FAM114A1: variants seen among roughly 807,000 people sequenced by gnomAD.
FAM114A1 encodes the protein protein NOXP20.
In FAM114A1, 62 loss-of-function variants were observed where a neutral mutation model predicts 64.3. The observed-to-expected ratio is 0.96, with a 90% CI of 0.79 to 1.19. The LOEUF is 1.19. FAM114A1 is among the 50% of genes most tolerant of loss of function. The probability of loss-of-function intolerance (pLI) is 0.00; values close to 1 mark genes in which losing one functional copy is unlikely to be tolerated. For missense variants in FAM114A1, 645 were observed against 676.3 expected (o/e 0.95, Z 0.51); for synonymous variants, 254 against 251.1 (o/e 1.01, Z -0.11).
In FAM114A1 at chr4:38,886,093, C is replaced by T. The variant is rs750423641; in HGVS notation, c.349-5650C>T. Reference sequence around the variant, plus strand: ...GGAAGCCACTTGACCTTGATGAGAACGATTTCATGAAGTAGTGGCACAGGA... The same window carrying T: ...GGAAGCCACTTGACCTTGATGAGAATGATTTCATGAAGTAGTGGCACAGGA... On this transcript the variant is annotated intron_variant, in intron 3 of 14. Transcript: ENST00000358869. Among the ~76,000 whole-genome samples, 6 of 151,366 alleles carry T rather than the reference C, an allele frequency of 4.0e-5. No homozygotes were observed. The East Asian group carries it at 5.8e-4, about 15-fold the overall frequency.
intron 13 of FAM114A1, among the ~76,000 whole-genome samples, chr4:38,939,425 A>G (rs985453712): frequency 6.6e-6 from 1 of 152,210 alleles, no homozygotes; most frequent in Non-Finnish European, 1.5e-5. Context: ...CTCTATTTAA[A>G]TTGCTTGCAT....
In FAM114A1 at chr4:38,929,319, GACAAACTC is replaced by G. The variant is rs759153786; in HGVS notation, c.1149_1156del (p.Asp383GlufsTer2). 127 of 1,613,006 alleles carry G rather than the reference GACAAACTC, an allele frequency of 7.9e-5. No homozygotes were observed. Among genetic ancestry groups the G allele is most frequent in the Admixed American group, 5.3e-4 (32 of 59,978 alleles). ...TGAATTACATGTGGCGGCCACACCT[GACAAACTC>G]AATAAGGTCAGCACTGTCTGATTTA... On this transcript the variant is annotated frameshift_variant, in exon 10 of 15. Transcript: ENST00000358869. LOFTEE classifies it high-confidence loss of function.
chr4:38,913,786 G>A (rs540673811), intron 7 of FAM114A1, among the ~76,000 whole-genome samples: 6 of 151,986 alleles, frequency 3.9e-5, no homozygotes, highest in African/African-American at 1.4e-4. Context: ...TAATAACCAC[G>A]TACACAAAAT....
chr4:38,885,010 C>G (rs1241291957), intron 3 of FAM114A1, among the ~76,000 whole-genome samples: 2 of 152,192 alleles, frequency 1.3e-5, no homozygotes, highest in East Asian at 3.8e-4. Context: ...GGGTCTCCCT[C>G]TATCGCCAGG....
In FAM114A1 at chr4:38,931,539, A is replaced by G. The variant is rs752032047; in HGVS notation, c.1250A>G (p.Lys417Arg). The G allele has an allele frequency of 3.1e-6, 5 of 1,614,102 alleles. No individual in the cohort carries two copies. The South Asian group carries it at 3.3e-5, about 11-fold the overall frequency. ...VAKVSEEETK[K>R]EEKEEKSQDP... ...AAAGTGTCCGAAGAAGAAACAAAGA[A>G]GGAAGAAAAGGAAGAGAAATCTCAA... Residue 417 changes from lysine (K) to arginine (R), a missense_variant, in exon 11 of 15, where the codon AAG becomes AGG. By Grantham distance (26) the Lys-to-Arg change is conservative. Transcript: ENST00000358869.
At chr4:38,879,723 TA>T (rs57948218) in intron 3 of FAM114A1, among the ~76,000 whole-genome samples, 42,115 of 151,834 alleles carry the variant, frequency 0.28, 6,179 homozygotes, top group African/African-American at 0.32. Context: ...AGGGTAAACA[TA>T]ACACAAAATT....
intron 3 of FAM114A1, among the ~76,000 whole-genome samples, chr4:38,884,283 C>T (rs890759866): frequency 1.3e-5 from 2 of 152,216 alleles, no homozygotes; most frequent in African/African-American, 2.4e-5. Flanking sequence ...GCCACCGCAC[C>T]GGCCTGAGTT....
Position 38,905,864 on chromosome 4 carries a change from G to A in FAM114A1, c.657+3G>A. 3.7e-6 allele frequency: 6 copies of A among 1,607,748 alleles called. No individual in the cohort carries two copies. The highest frequency in any genetic ancestry group is 5.1e-6 in the Non-Finnish European group (6 of 1,178,242). On this transcript the variant is annotated splice_donor_region_variant and intron_variant, in intron 6 of 14. Coordinates refer to ENST00000358869, the MANE Select transcript of FAM114A1 (RefSeq NM_138389.4). ...TCACCAATGTGGTTCAAAACACAGT[G>A]AGTCGCTGGCTGCTTCCTCTCTTTC...
chr4:38,923,279 A>G (rs1318878258), intron 9 of FAM114A1, among the ~76,000 whole-genome samples: 2 of 139,742 alleles, frequency 1.4e-5, no homozygotes, highest in Non-Finnish European at 3.0e-5. Flanking sequence ...GCTGGAGTGC[A>G]GTGGCGTGAT....
At chr4:38,898,510 A>T (rs953758366) in intron 4 of FAM114A1, among the ~76,000 whole-genome samples, 2 of 152,320 alleles carry the variant, frequency 1.3e-5, no homozygotes, top group Admixed American at 6.5e-5. Flanking sequence ...ATTGCTGATG[A>T]TATGAAATTT....
At chr4:38,929,375 AGTGC>A in intron 10 of FAM114A1, 42 bp downstream of exon 10, 4 of 1,422,250 alleles carry the variant, frequency 2.8e-6, no homozygotes, top group South Asian at 1.2e-5. Flanking sequence ...AAAAAAAAAC[AGTGC>A]AGGGGAGAGT....
chr4:38,929,262 G>C lies in FAM114A1; in HGVS notation c.1090G>C (p.Glu364Gln). ...TCTAGGCTTAGAAGAAAAGGGAGAAGAATTTGCTCGCATGCTTACAGAGCT... is the reference window on the plus strand; with the variant it reads ...TCTAGGCTTAGAAGAAAAGGGAGAACAATTTGCTCGCATGCTTACAGAGCT... ...EEQGLEEKGE[E>Q]FARMLTELLF... Residue 364 changes from glutamate to glutamine, a missense_variant, in exon 10 of 15, where the codon GAA becomes CAA. Coordinates refer to ENST00000358869, the MANE Select transcript of FAM114A1 (RefSeq NM_138389.4). 2 of 1,613,780 alleles carry C rather than the reference G, an allele frequency of 1.2e-6. No homozygotes were observed. Among genetic ancestry groups the C allele is most frequent in the South Asian group, 2.2e-5 (2 of 91,068 alleles).
intron 4 of FAM114A1, among the ~76,000 whole-genome samples, chr4:38,893,401 A>T (rs1316068701): frequency 6.6e-6 from 1 of 152,270 alleles, no homozygotes; most frequent in Non-Finnish European, 1.5e-5. Context: ...TTCCAGTTTT[A>T]ACCGCATCCA....
In FAM114A1 at chr4:38,935,699, T is replaced by C. The variant is rs756004278; in HGVS notation, c.1464-19T>C. On this transcript the variant is annotated intron_variant, in intron 12 of 14. Coordinates refer to ENST00000358869, the MANE Select transcript of FAM114A1 (RefSeq NM_138389.4). ...ACCTTATTGAAAACATCCAAGCTTTTTTTTTTTTCTTCTTTCAGATTAACT... is the reference window on the plus strand; with the variant it reads ...ACCTTATTGAAAACATCCAAGCTTTCTTTTTTTTCTTCTTTCAGATTAACT... 2 of 1,553,792 alleles carry C rather than the reference T, an allele frequency of 1.3e-6. No homozygotes were observed. The highest frequency in any genetic ancestry group is 2.8e-5 in the African/African-American group (2 of 71,626).
In FAM114A1 at chr4:38,914,980, G is replaced by A. The variant is rs200183888; in HGVS notation, c.852G>A (p.Glu284=). ...KQRLAQQLTM[E]RTAHYGMLFD... is the part of the protein sequence containing the mutation. ...GACTGGCACAGCAGCTCACGATGGA[G>A]AGAACCGCGCACTACGGGATGCTGT... is the stretch of plus-strand genomic sequence containing the variant. The change falls in exon 8 of 15, where the codon GAG becomes GAA. Residue 284 remains glutamate (E), a synonymous_variant. Transcript: ENST00000358869. 12 of 1,614,188 alleles carry A rather than the reference G, an allele frequency of 7.4e-6. No individual in the cohort carries two copies. The African/African-American group carries it at 1.6e-4, about 22-fold the overall frequency.
Position 38,891,472 on chromosome 4 carries a change from G to C in FAM114A1, c.349-271G>C, listed in dbSNP as rs113543046. On this transcript the variant is annotated intron_variant, in intron 3 of 14. Transcript: ENST00000358869. Reference sequence around the variant, plus strand: ...CTTTTCCCTGTCTTCTAAATAATAAGAGAGAATCGAGGCTCAGTTAACATC... The same window carrying C: ...CTTTTCCCTGTCTTCTAAATAATAACAGAGAATCGAGGCTCAGTTAACATC... Among the ~76,000 whole-genome samples the C allele has an allele frequency of 7.9e-3, 1,201 of 152,140 alleles. 15 individuals carry two copies. The highest frequency in any genetic ancestry group is 0.026 in the African/African-American group (1,060 of 41,488).
chr4:38,888,191 T>A (rs1249948149), intron 3 of FAM114A1, among the ~76,000 whole-genome samples: 1 of 151,704 alleles, frequency 6.6e-6, no homozygotes, highest in Admixed American at 6.6e-5. Context: ...GACCTTTAAA[T>A]GGGATACTAG....
intron 3 of FAM114A1, among the ~76,000 whole-genome samples, chr4:38,888,155 A>C (rs1715994791): frequency 6.6e-6 from 1 of 151,974 alleles, no homozygotes; most frequent in African/African-American, 2.4e-5. Flanking sequence ...AGCTTAAAAT[A>C]AATGCATTTT....
chr4:38,885,012 A>G (rs956007994), intron 3 of FAM114A1, among the ~76,000 whole-genome samples: 6 of 152,290 alleles, frequency 3.9e-5, no homozygotes, highest in Admixed American at 6.5e-5. Flanking sequence ...GTCTCCCTCT[A>G]TCGCCAGGCT....
Sources: allele counts gnomAD v4.1 joint callset (sites outside exome capture counted in the v4.1 genomes callset), GRCh38; gene constraint gnomAD v4.1.1; transcripts MANE v1.5; gene names NCBI Gene and HGNC (gene_info 2026-07-23, HGNC 2026-07-21).